The following MRPS27 variants were observed in gnomAD, a reference collection of about 807,000 sequenced individuals.
The protein encoded by MRPS27 is small ribosomal subunit protein mS27.
Under a neutral mutation model 48.9 loss-of-function variants are expected in MRPS27, and 43 were observed. The ratio of observed to expected loss-of-function variants is 0.88; its 90% CI spans 0.69 to 1.13. MRPS27 has a LOEUF of 1.13. Ranked by LOEUF, MRPS27 falls within the 50% of genes most tolerant of loss-of-function variation. The pLI, the probability that MRPS27 is intolerant of heterozygous loss-of-function variation, is 0.00. For synonymous variants in MRPS27, 188 were observed against 171.9 expected (o/e 1.09, Z -0.73); for missense variants, 467 against 476.3 (o/e 0.98, Z 0.18).
intron 4 of MRPS27, among the ~76,000 whole-genome samples, chr5:72,272,126 T>C (rs1201797260): frequency 6.6e-6 from 1 of 152,152 alleles, no homozygotes; most frequent in Admixed American, 6.5e-5. Flanking sequence ...AGTGAGGGTA[T>C]AGATCAAGGG....
chr5:72,305,304 T>G (rs550243454), intron 2 of MRPS27, among the ~76,000 whole-genome samples: 1 of 151,880 alleles, frequency 6.6e-6, no homozygotes, highest in Non-Finnish European at 1.5e-5. Flanking sequence ...AATACAGAAC[T>G]GACAAAAGTT....
intron 7 of MRPS27, chr5:72,229,140 A>C (rs1747980980): frequency 6.6e-6 from 1 of 152,210 alleles, no homozygotes; most frequent in Non-Finnish European, 1.5e-5. Flanking sequence ...ACATGAGTAC[A>C]CAGTGGACAG....
intron 4 of MRPS27, among the ~76,000 whole-genome samples, chr5:72,273,444 A>G (rs192050262): frequency 6.6e-6 from 1 of 152,200 alleles, no homozygotes; most frequent in Middle Eastern, 3.2e-3. Flanking sequence ...ATGTGTTGTT[A>G]GTGATTTTGT....
intron 1 of MRPS27, among the ~76,000 whole-genome samples, chr5:72,317,674 G>A (rs914123254): frequency 2.5e-4 from 37 of 150,258 alleles, no homozygotes; most frequent in African/African-American, 7.8e-4. Context: ...CACCACACCC[G>A]GCCTAATTTT....
chr5:72,280,649 C>T (rs1010898351), intron 4 of MRPS27, among the ~76,000 whole-genome samples: 6 of 152,194 alleles, frequency 3.9e-5, no homozygotes, highest in South Asian at 4.2e-4. Flanking sequence ...CTTGTGCATG[C>T]CAGATATCAA....
chr5:72,259,760 C>T (rs1748916150), intron 4 of MRPS27, among the ~76,000 whole-genome samples: 1 of 152,048 alleles, frequency 6.6e-6, no homozygotes, highest in African/African-American at 2.4e-5. Context: ...ATTTTCTTGA[C>T]TTATATATAA....
At chr5:72,230,364 A>G (rs1001328290) in intron 7 of MRPS27, among the ~76,000 whole-genome samples, 3 of 152,196 alleles carry the variant, frequency 2.0e-5, no homozygotes, top group Non-Finnish European at 2.9e-5. Flanking sequence ...TAGGCATCTT[A>G]AAAGAGTTGT....
chr5:72,268,605 A>T (rs1201792493), intron 4 of MRPS27, among the ~76,000 whole-genome samples: 2 of 152,188 alleles, frequency 1.3e-5, no homozygotes, highest in African/African-American at 2.4e-5. Flanking sequence ...TTAGAGAAGA[A>T]CCCCAAACTT....
chr5:72,241,625 A>G (rs1377262318), intron 4 of MRPS27: 1 of 1,532,724 alleles, frequency 6.5e-7, no homozygotes, highest in South Asian at 1.2e-5. Context: ...CAGGTGAGTG[A>G]GTCTCTGGAA....
intron 4 of MRPS27, among the ~76,000 whole-genome samples, chr5:72,282,312 C>T (rs1749553236): frequency 6.6e-6 from 1 of 152,204 alleles, no homozygotes; most frequent in Non-Finnish European, 1.5e-5. Flanking sequence ...TTTATCTACT[C>T]AGCTCTCCCT....
intron 1 of MRPS27, among the ~76,000 whole-genome samples, chr5:72,319,176 A>C (rs190080487): frequency 6.6e-6 from 1 of 152,344 alleles, no homozygotes; most frequent in Non-Finnish European, 1.5e-5. Context: ...ATGTGGTTAG[A>C]ATCACTGCAA....
intron 2 of MRPS27, among the ~76,000 whole-genome samples, chr5:72,311,186 A>G (rs1750433331): frequency 6.6e-6 from 1 of 152,196 alleles, no homozygotes; most frequent in South Asian, 2.1e-4. Flanking sequence ...ATTAATGTCA[A>G]AATTTCCGAA....
chr5:72,299,388 C>A (rs530501320), intron 2 of MRPS27, among the ~76,000 whole-genome samples: 39 of 151,430 alleles, frequency 2.6e-4, no homozygotes, highest in African/African-American at 9.4e-4. Flanking sequence ...GAAGGAGACA[C>A]AAGCAAGTGT....
intron 4 of MRPS27, among the ~76,000 whole-genome samples, chr5:72,251,930 T>G (rs1748678427): frequency 1.3e-5 from 2 of 152,206 alleles, no homozygotes; most frequent in African/African-American, 2.4e-5. Flanking sequence ...AGTTTAAGGC[T>G]GAAAGCACCT....
At chr5:72,244,556 C>A (rs888242827) in intron 4 of MRPS27, among the ~76,000 whole-genome samples, 2 of 152,242 alleles carry the variant, frequency 1.3e-5, no homozygotes, top group African/African-American at 4.8e-5. Context: ...TTTGCCAGAT[C>A]TAACTCTCAG....
chr5:72,243,572 C>T (rs928580971), intron 4 of MRPS27, among the ~76,000 whole-genome samples: 1 of 152,134 alleles, frequency 6.6e-6, no homozygotes, highest in African/African-American at 2.4e-5. Flanking sequence ...ATCTCAGATT[C>T]TTACTCAAAG....
chr5:72,299,313 TA>T (rs1750069227), intron 2 of MRPS27, among the ~76,000 whole-genome samples: 1 of 74,742 alleles, frequency 1.3e-5, no homozygotes, highest in Admixed American at 1.4e-4. Flanking sequence ...AAGAAAAAAA[TA>T]AAAGAAAAAA....
At chr5:72,295,049 GTT>G (rs1162120502) in intron 4 of MRPS27, among the ~76,000 whole-genome samples, 2 of 152,006 alleles carry the variant, frequency 1.3e-5, no homozygotes, top group African/African-American at 4.8e-5. Context: ...GTGTGTGTGT[GTT>G]TGTGTGTGTG....
intron 3 of MRPS27, 24 bp from the exon 4 acceptor site, chr5:72,295,613 T>A: frequency 6.4e-7 from 1 of 1,569,734 alleles, no homozygotes; most frequent in Non-Finnish European, 8.8e-7. Context: ...AAAGAAACCT[T>A]TGGTTGAATA....
Sources: allele counts gnomAD v4.1 joint callset (sites outside exome capture counted in the v4.1 genomes callset), GRCh38; gene constraint gnomAD v4.1.1; transcripts MANE v1.5; gene names NCBI Gene and HGNC (gene_info 2026-07-23, HGNC 2026-07-21).